AOX1: variants seen among roughly 807,000 people sequenced by gnomAD.
AOX1 encodes aldehyde oxidase 1.
AOX1 carries 153 observed loss-of-function variants against 169.5 expected under a neutral mutation model. The ratio of observed to expected loss-of-function variants is 0.90; its 90% confidence interval spans 0.79 to 1.03. AOX1 has a LOEUF of 1.03. Ranked by LOEUF, AOX1 falls within the 50% of genes least tolerant of loss-of-function variation. AOX1 has a pLI of 0.00. For synonymous variants in AOX1, 562 were observed against 581.9 expected (o/e 0.97, Z 0.49); for missense variants, 1,656 against 1,663.9 (o/e 1.00, Z 0.08).
intron 16 of AOX1, among the ~76,000 whole-genome samples, chr2:200,619,287 G>A (rs1469874378): frequency 6.6e-6 from 1 of 152,182 alleles, no homozygotes; most frequent in Non-Finnish European, 1.5e-5. Flanking sequence ...GGCTCAGGGT[G>A]ATCCTGTGAG....
At chr2:200,642,841 G>A (rs1476663947) in intron 25 of AOX1, 40 bp downstream of exon 25, 3 of 1,583,488 alleles carry the variant, frequency 1.9e-6, no homozygotes, top group East Asian at 2.3e-5. Context: ...CATGTGGAAT[G>A]TCAGAGACGG....
At chr2:200,586,246 G>A in intron 1 of AOX1, 93 bp downstream of exon 1, 1 of 1,308,504 alleles carries the variant, frequency 7.6e-7, no homozygotes, top group Non-Finnish European at 1.0e-6. Flanking sequence ...TTTCGTGCCC[G>A]CCGTTTAAGG....
chr2:200,604,941 G>A (rs1035032380), intron 9 of AOX1, 101 bp downstream of exon 9: 1 of 1,095,946 alleles, frequency 9.1e-7, no homozygotes, highest in South Asian at 1.5e-5. Context: ...GTGTTCTCAG[G>A]AAAAGCAGTC....
At position 200,602,358 on chromosome 2, in the gene AOX1, G is replaced by C. The variant is rs140658632; in HGVS notation, c.498+13G>C. 1.5e-5 allele frequency: 24 copies of C among 1,611,742 alleles called. No homozygotes were observed. The East Asian group carries it at 4.9e-4, about 33-fold the overall frequency. Reference sequence around the variant, plus strand: ...GACTTTCTGTAAAGTAAGTGGAAAGGACCACATGTTTGAGTATGTTTTCCC... The same window carrying C: ...GACTTTCTGTAAAGTAAGTGGAAAGCACCACATGTTTGAGTATGTTTTCCC... On this transcript the variant is annotated intron_variant, in intron 6 of 34. Transcript: ENST00000374700.
intron 20 of AOX1, among the ~76,000 whole-genome samples, chr2:200,629,208 T>C: frequency 6.6e-6 from 1 of 152,212 alleles, no homozygotes. Context: ...CTACCAGTTT[T>C]CCTTGGCATT....
At chr2:200,611,735 C>T (rs1204098305) in intron 13 of AOX1, among the ~76,000 whole-genome samples, 1 of 147,032 alleles carries the variant, frequency 6.8e-6, no homozygotes, top group African/African-American at 2.5e-5. Flanking sequence ...GATCGAGTCT[C>T]GCTCTTTTGC....
At chr2:200,604,895 T>TGGGTTG in intron 9 of AOX1, 55 bp downstream of exon 9, 3 of 715,258 alleles carry the variant, frequency 4.2e-6, no homozygotes, top group Non-Finnish European at 4.7e-6. Flanking sequence ...GGGCTTGGGA[T>TGGGTTG]GGGGCCGGGG....
At chr2:200,673,203 C>G (rs989941622), downstream of AOX1, among the ~76,000 whole-genome samples, 5 of 152,188 alleles carry the variant, frequency 3.3e-5, no homozygotes, top group African/African-American at 1.2e-4. Flanking sequence ...GCCCTCTTTC[C>G]CAGTCTCTCT....
intron 23 of AOX1, among the ~76,000 whole-genome samples, chr2:200,640,359 C>G (rs1205337653): frequency 6.6e-6 from 1 of 152,022 alleles, no homozygotes; most frequent in African/African-American, 2.4e-5. Context: ...GGGAGGGTAA[C>G]AGGATAGTCT....
chr2:200,593,115 T>C lies in AOX1; in HGVS notation c.46-31T>C. The C allele has an allele frequency of 2.6e-6, 4 of 1,559,528 alleles. No individual in the cohort carries two copies. In the South Asian group the frequency reaches 3.3e-5, roughly 13 times the overall value. On this transcript the variant is annotated intron_variant, in intron 1 of 34. Transcript: ENST00000374700. ...CAATGTGAATTTCATATTAGCTCTC[T>C]CAACTAACTCTTATTTTCCCTTTGG...
At chr2:200,681,927 T>C (rs1434868311), downstream of AOX1, among the ~76,000 whole-genome samples, 1 of 144,928 alleles carries the variant, frequency 6.9e-6, no homozygotes, top group Non-Finnish European at 1.5e-5. Context: ...CCTTTTGGGG[T>C]TTTTTTTTTT....
chr2:200,597,002 A>G (rs183142128), intron 3 of AOX1, among the ~76,000 whole-genome samples: 132 of 152,212 alleles, frequency 8.7e-4, no homozygotes, highest in African/African-American at 3.0e-3. Context: ...GGTGTTGGTG[A>G]AGTCTGGCTG....
chr2:200,604,816 G>T lies in AOX1; in HGVS notation c.790G>T (p.Val264Phe), dbSNP rs1228808534. Reference sequence around the variant, plus strand: ...TAAATTCAAGTATCCCCAGGCTCCTGTTATCATGGGAAACACCTCTGTGGG... The same window carrying T: ...TAAATTCAAGTATCCCCAGGCTCCTTTTATCATGGGAAACACCTCTGTGGG... ...EFKFKYPQAP[V>F]IMGNTSVGPE... The change falls in exon 9 of 35, where the codon GTT becomes TTT. Residue 264 changes from valine (V) to phenylalanine (F), a missense_variant. Transcript: ENST00000374700. 4.8e-6 allele frequency: 7 copies of T among 1,473,182 alleles called. No individual in the cohort carries two copies. The South Asian group carries it at 5.6e-5, about 12-fold the overall frequency. 91.3% of individuals were successfully genotyped at this position (1,473,182 alleles called of 1,614,324 possible).
At chr2:200,634,658 G>A in intron 20 of AOX1, 133 bp from the exon 21 acceptor site, 1 of 1,103,972 alleles carries the variant, frequency 9.1e-7, no homozygotes, top group Non-Finnish European at 1.3e-6. Context: ...GCTAAACATT[G>A]TTGTTTGTTA....
At chr2:200,621,316 A>G (rs2034883001) in intron 18 of AOX1, 70 bp downstream of exon 18, 2 of 1,545,542 alleles carry the variant, frequency 1.3e-6, no homozygotes, top group Admixed American at 1.9e-5. Context: ...TTTCTTAAAG[A>G]TACCATCTAC....
intron 21 of AOX1, among the ~76,000 whole-genome samples, chr2:200,635,717 T>C (rs2035216227): frequency 6.6e-6 from 1 of 152,190 alleles, no homozygotes; most frequent in African/African-American, 2.4e-5. Flanking sequence ...AATAGCACAA[T>C]GACCGCCCCA....
intron 15 of AOX1, among the ~76,000 whole-genome samples, chr2:200,615,518 C>A (rs1425332399): frequency 6.6e-6 from 1 of 152,088 alleles, no homozygotes. Flanking sequence ...AGCCTGTGTC[C>A]CCCTTTCTAC....
chr2:200,627,504 TA>T, intron 20 of AOX1, 55 bp downstream of exon 20: 1 of 1,289,628 alleles, frequency 7.8e-7, no homozygotes, highest in African/African-American at 1.5e-5. Context: ...CATGTCAGTT[TA>T]AGGCTTCCTT....
intron 17 of AOX1, 85 bp from the exon 18 acceptor site, chr2:200,621,035 A>T: frequency 6.9e-7 from 1 of 1,451,508 alleles, no homozygotes; most frequent in Non-Finnish European, 9.3e-7. Flanking sequence ...GACAGTTCTT[A>T]CCTCTCTCAT....
Sources: gnomAD v4.1 joint callset for allele counts (sites outside exome capture counted in the v4.1 genomes callset) on GRCh38, gnomAD v4.1.1 for gene constraint, MANE v1.5 for transcripts, NCBI Gene and HGNC (gene_info 2026-07-23, HGNC 2026-07-21) for gene names.